The following AKAP19 variants were observed in gnomAD, a reference collection of about 807,000 sequenced individuals.
AKAP19 encodes small A-kinase anchoring protein.
At chr2:189,883,401 A>C in the AKAP19 span, among the ~76,000 whole-genome samples, 4 of 152,208 alleles carry the variant, frequency 2.6e-5, no homozygotes, top group Non-Finnish European at 5.9e-5. Context: ...TCTCAACCTG[A>C]CTATGCTGTT....
the AKAP19 span, among the ~76,000 whole-genome samples, chr2:190,192,459 T>TGG: frequency 8.5e-6 from 1 of 118,300 alleles, no homozygotes; most frequent in Non-Finnish European, 1.7e-5. Context: ...AATCTGTGTG[T>TGG]GTGTGTGTGT....
the AKAP19 span, among the ~76,000 whole-genome samples, chr2:190,040,972 G>C: frequency 0.11 from 16,079 of 152,090 alleles, 2,279 homozygotes; most frequent in African/African-American, 0.33. Context: ...CTCCCATTTT[G>C]TTCTTTTTGC....
chr2:189,951,020 C>T, the AKAP19 span, among the ~76,000 whole-genome samples: 1 of 151,894 alleles, frequency 6.6e-6, no homozygotes, highest in Non-Finnish European at 1.5e-5. Flanking sequence ...TTTTCTGGAT[C>T]GTTTCTGCAC....
chr2:189,986,422 A>C, the AKAP19 span, among the ~76,000 whole-genome samples: 92 of 152,138 alleles, frequency 6.0e-4, 1 homozygote, highest in South Asian at 7.1e-3. Context: ...GAAAAACAAA[A>C]AAAAAAAGGA....
the AKAP19 span, among the ~76,000 whole-genome samples, chr2:189,888,407 T>C: frequency 6.6e-6 from 1 of 152,192 alleles, no homozygotes; most frequent in Non-Finnish European, 1.5e-5. Context: ...TTTGTTCTTT[T>C]TGCTTAGGAT....
the AKAP19 span, among the ~76,000 whole-genome samples, chr2:190,092,347 A>T: frequency 6.6e-6 from 1 of 151,632 alleles, no homozygotes; most frequent in African/African-American, 2.4e-5. Context: ...TTGATATTAT[A>T]CATCAATTGT....
the AKAP19 span, among the ~76,000 whole-genome samples, chr2:190,154,994 A>G: frequency 6.6e-6 from 1 of 152,198 alleles, no homozygotes; most frequent in Non-Finnish European, 1.5e-5. Context: ...AGAACCATAC[A>G]TGCACTGGAA....
At chr2:189,965,189 G>A in the AKAP19 span, among the ~76,000 whole-genome samples, 1 of 152,094 alleles carries the variant, frequency 6.6e-6, no homozygotes, top group Non-Finnish European at 1.5e-5. Flanking sequence ...ATGGCCAGTT[G>A]GTGGAACAGT....
chr2:190,181,761 G>C, the AKAP19 span, among the ~76,000 whole-genome samples: 1 of 152,142 alleles, frequency 6.6e-6, no homozygotes, highest in Non-Finnish European at 1.5e-5. Context: ...GTATGTGGCA[G>C]CTCTCTCAGG....
chr2:190,035,148 A>G, the AKAP19 span, among the ~76,000 whole-genome samples: 15,869 of 152,040 alleles, frequency 0.1, 2,619 homozygotes, highest in African/African-American at 0.35. Context: ...TGTGTTCAAG[A>G]TTGTGTTCAA....
At chr2:189,971,073 T>A in the AKAP19 span, among the ~76,000 whole-genome samples, 1 of 152,156 alleles carries the variant, frequency 6.6e-6, no homozygotes, top group Admixed American at 6.5e-5. Flanking sequence ...CTTGTTGGTG[T>A]GCTGCACCCA....
chr2:189,932,797 G>GT, the AKAP19 span, among the ~76,000 whole-genome samples: 1 of 151,950 alleles, frequency 6.6e-6, no homozygotes, highest in East Asian at 1.9e-4. Context: ...TTTCCAGCAG[G>GT]TTTTTATTGA....
chr2:190,172,421 A>G, the AKAP19 span, among the ~76,000 whole-genome samples: 4 of 152,232 alleles, frequency 2.6e-5, no homozygotes, highest in Admixed American at 2.6e-4. Context: ...ATCGTTGTCC[A>G]GAAACACAGA....
the AKAP19 span, among the ~76,000 whole-genome samples, chr2:190,052,913 T>G: frequency 6.6e-6 from 1 of 152,194 alleles, no homozygotes; most frequent in African/African-American, 2.4e-5. Flanking sequence ...GAATTTATAC[T>G]AGTGAATAAT....
the AKAP19 span, among the ~76,000 whole-genome samples, chr2:190,037,455 T>C: frequency 4.6e-5 from 7 of 152,370 alleles, no homozygotes; most frequent in South Asian, 8.3e-4. Context: ...ATTTGGACTC[T>C]AAATTTTCAA....
At chr2:189,945,798 CTATT>C in the AKAP19 span, among the ~76,000 whole-genome samples, 14 of 152,212 alleles carry the variant, frequency 9.2e-5, no homozygotes, top group African/African-American at 3.1e-4. Context: ...CATCAGGAGA[CTATT>C]TATTCTGAAG....
chr2:190,059,625 T>A, the AKAP19 span, among the ~76,000 whole-genome samples: 1 of 151,972 alleles, frequency 6.6e-6, no homozygotes, highest in African/African-American at 2.4e-5. Flanking sequence ...TTAAAAGGTT[T>A]ATCTGTTTTA....
At chr2:190,118,062 A>G in the AKAP19 span, among the ~76,000 whole-genome samples, 2 of 152,360 alleles carry the variant, frequency 1.3e-5, no homozygotes, top group South Asian at 4.1e-4. Context: ...AGAAATACAA[A>G]CTACCATCAG....
At chr2:190,023,457 T>G in the AKAP19 span, among the ~76,000 whole-genome samples, 1 of 152,090 alleles carries the variant, frequency 6.6e-6, no homozygotes, top group Admixed American at 6.6e-5. Flanking sequence ...TTACATATTT[T>G]AAAATAAAAT....
Sources: gnomAD v4.1 joint callset for allele counts (sites outside exome capture counted in the v4.1 genomes callset) on GRCh38, gnomAD v4.1.1 for gene constraint, MANE v1.5 for transcripts, NCBI Gene and HGNC (gene_info 2026-07-23, HGNC 2026-07-21) for gene names.